Variants in CGNL1 observed in about 807,000 individuals in gnomAD.
CGNL1 encodes cingulin-like protein 1.
A neutral mutation model predicts 141.2 loss-of-function variants in CGNL1; 132 were observed. The observed-to-expected ratio is 0.93, with a 90% CI of 0.81 to 1.08. The LOEUF is 1.08. CGNL1 is among the 50% of genes least tolerant of loss of function. CGNL1 has a pLI of 0.00. For synonymous variants in CGNL1, 690 were observed against 622.1 expected, an observed-to-expected ratio of 1.11 and a Z score of -1.63; for missense variants, 1,870 against 1,588.6, an observed-to-expected ratio of 1.18 and a Z score of -3.01.
At chr15:57,377,981 T>C (rs1292969729) in intron 1 of CGNL1, among the ~76,000 whole-genome samples, 2 of 152,218 alleles carry the variant, frequency 1.3e-5, no homozygotes, top group African/African-American at 4.8e-5. Context: ...GTTTTGTGGT[T>C]GATATTTGTG....
In CGNL1 at chr15:57,528,677, A is replaced by G. The variant is rs760754959; in HGVS notation, c.3063A>G (p.Leu1021=). ...QDEMRLMEEE[L]RDYQRAQDEA... ...AGATGCGTCTGATGGAGGAAGAGTTACGGGACTACCAGAGAGCTCAGGATG... is the reference window on the plus strand; with the variant it reads ...AGATGCGTCTGATGGAGGAAGAGTTGCGGGACTACCAGAGAGCTCAGGATG... The change falls in exon 13 of 19, where the codon TTA becomes TTG. Residue 1021 remains leucine, a synonymous_variant. Coordinates refer to ENST00000281282, the MANE Select transcript of CGNL1 (RefSeq NM_032866.5). 6.2e-7 allele frequency: 1 copy of G among 1,614,136 alleles called. No homozygotes were observed. Among genetic ancestry groups the G allele is most frequent in the African/African-American group, 1.3e-5 (1 of 75,036 alleles).
rs563851558 is a variant in CGNL1 at position 57,508,456 on chromosome 15, T to A, written c.2404-8324T>A. On this transcript the variant is annotated intron_variant, in intron 8 of 18. Transcript: ENST00000281282. ...CCATCACTTTACATTACTAAAATAA[T>A]TTCAACTTTTTAAAGATTTGTATCT... Among the ~76,000 whole-genome samples, 118 of 152,328 alleles carry A rather than the reference T, an allele frequency of 7.7e-4. 5 individuals carry two copies. The South Asian group carries it at 0.024, about 31-fold the overall frequency.
In CGNL1 at chr15:57,442,182, G is replaced by GGAAAAAAAAAAAAAAAAAAAAAAAAAA. The variant is rs1491455852; in HGVS notation, c.1698-191_1698-190insGAAAAAAAAAAAAAAAAAAAAAAAAAA. On this transcript the variant is annotated intron_variant, in intron 3 of 18. Transcript: ENST00000281282. ...TTGAGTGGTAACACATCATTTATTTGAAAAAAAAAAAAAAAAAAAAAGACA... is the reference window on the plus strand; with the variant it reads ...TTGAGTGGTAACACATCATTTATTTGGAAAAAAAAAAAAAAAAAAAAAAAAAAAAAAAAAAAAAAAAAAAAAAAGACA... 1.8e-3 allele frequency among the ~76,000 whole-genome samples: 171 copies of GGAAAAAAAAAAAAAAAAAAAAAAAAAA among 96,476 alleles called. 7 individuals are homozygous for GGAAAAAAAAAAAAAAAAAAAAAAAAAA. The highest frequency in any genetic ancestry group is 5.5e-3 in the Middle Eastern group (1 of 182). The allele number at this position is 96,476 out of a possible 152,430, so 63.3% of individuals were successfully genotyped here.
intron 6 of CGNL1, among the ~76,000 whole-genome samples, 184 bp from the exon 7 acceptor site, chr15:57,453,499 A>C (rs2063344079): frequency 6.6e-6 from 1 of 152,190 alleles, no homozygotes; most frequent in Non-Finnish European, 1.5e-5. Flanking sequence ...CAATTAGACC[A>C]TAGCCTAAGT....
At chr15:57,386,707 C>T (rs1488805445) in intron 1 of CGNL1, among the ~76,000 whole-genome samples, 2 of 152,146 alleles carry the variant, frequency 1.3e-5, no homozygotes, top group African/African-American at 2.4e-5. Context: ...ACAGTGACGA[C>T]GATAACACCC....
At chr15:57,519,062 G>T (rs2031059883) in intron 10 of CGNL1, among the ~76,000 whole-genome samples, 2 of 152,212 alleles carry the variant, frequency 1.3e-5, no homozygotes, top group South Asian at 4.1e-4. Context: ...CTTGAAACTG[G>T]ATAGCTATCG....
chr15:57,380,995 C>T (rs8037276), intron 1 of CGNL1, among the ~76,000 whole-genome samples: 2,662 of 152,316 alleles, frequency 0.017, 50 homozygotes, highest in African/African-American at 0.049. Context: ...GTTGCTGTAG[C>T]TCAGGCTTCC....
chr15:57,485,241 G>A lies in CGNL1; in HGVS notation c.2403+23349G>A, dbSNP rs554528227. Among the ~76,000 whole-genome samples, 15 of 152,116 alleles carry A rather than the reference G, an allele frequency of 9.9e-5. No homozygotes were observed. In the South Asian group the frequency reaches 1.9e-3, roughly 19 times the overall value. ...TGGGTGTTTGCCTGTTGTCTAGTTC[G>A]AGTCCATTTTGGTTAGAAAACCAGT... On this transcript the variant is annotated intron_variant, in intron 8 of 18. Coordinates refer to ENST00000281282, the MANE Select transcript of CGNL1 (RefSeq NM_032866.5).
chr15:57,420,987 T>C (rs1462551413), intron 1 of CGNL1, among the ~76,000 whole-genome samples: 1 of 152,250 alleles, frequency 6.6e-6, no homozygotes, highest in Non-Finnish European at 1.5e-5. Context: ...GTTAAAATCC[T>C]AACTCCCAAG....
At chr15:57,464,176 G>C (rs1448445819) in intron 8 of CGNL1, among the ~76,000 whole-genome samples, 1 of 151,944 alleles carries the variant, frequency 6.6e-6, no homozygotes, top group African/African-American at 2.4e-5. Flanking sequence ...GATGATAGGA[G>C]GGTATGGTGG....
intron 1 of CGNL1, among the ~76,000 whole-genome samples, chr15:57,416,516 G>T (rs1232534059): frequency 6.6e-6 from 1 of 152,114 alleles, no homozygotes; most frequent in Non-Finnish European, 1.5e-5. Flanking sequence ...TGTTAAGATA[G>T]CCTTCTTGGT....
chr15:57,380,504 G>A (rs2062412584), intron 1 of CGNL1, among the ~76,000 whole-genome samples: 2 of 152,162 alleles, frequency 1.3e-5, no homozygotes, highest in South Asian at 2.1e-4. Context: ...GGGGTACTGT[G>A]GGGCACCTGG....
rs1476868817 is a variant in CGNL1 at position 57,528,670 on chromosome 15, A to G, written c.3056A>G (p.Glu1019Gly). 1.2e-6 allele frequency: 2 copies of G among 1,613,956 alleles called. No homozygotes were observed. Among genetic ancestry groups the G allele is most frequent in the East Asian group, 4.5e-5 (2 of 44,894 alleles). ...KMQDEMRLMEEELRDYQRAQD... is the reference protein window; with the variant it reads ...KMQDEMRLMEGELRDYQRAQD... Reference sequence around the variant, plus strand: ...TCCTCCTAGATGCGTCTGATGGAGGAAGAGTTACGGGACTACCAGAGAGCT... The same window carrying G: ...TCCTCCTAGATGCGTCTGATGGAGGGAGAGTTACGGGACTACCAGAGAGCT... The change falls in exon 13 of 19, where the codon GAA becomes GGA. Residue 1019 changes from glutamate (E) to glycine (G), a missense_variant. Transcript: ENST00000281282.
At chr15:57,478,590 G>T (rs944509262) in intron 8 of CGNL1, among the ~76,000 whole-genome samples, 1 of 152,140 alleles carries the variant, frequency 6.6e-6, no homozygotes. Flanking sequence ...AGCTTAAAAG[G>T]TCTCATTAGC....
At position 57,438,492 on chromosome 15, in the gene CGNL1, C is replaced by T; in HGVS notation, c.493C>T (p.Gln165Ter). Residue 165 changes from glutamine (Q) to a stop codon, truncating the protein, a stop_gained, in exon 2 of 19, where the codon CAA (glutamine) becomes TAA (stop). Transcript: ENST00000281282. LOFTEE classifies it high-confidence loss of function. ...CCCTGAAAAGAATGAGTTGAATTTA[C>T]AAAATCACCAGCCTTCTGAGAGTAA... Reference protein sequence around the residue: ...YDPEKNELNLQNHQPSESNWL... With the variant: ...YDPEKNELNL 1 of 1,614,166 alleles carries T rather than the reference C, an allele frequency of 6.2e-7. No individual in the cohort carries two copies.
intron 8 of CGNL1, among the ~76,000 whole-genome samples, chr15:57,495,727 C>T (rs1026922982): frequency 8.5e-5 from 13 of 152,152 alleles, no homozygotes; most frequent in Admixed American, 4.6e-4. Flanking sequence ...TCCACATTGT[C>T]TTGGGAGGTG....
At chr15:57,461,312 C>G (rs1264843572) in intron 7 of CGNL1, among the ~76,000 whole-genome samples, 3 of 152,098 alleles carry the variant, frequency 2.0e-5, no homozygotes, top group Non-Finnish European at 4.4e-5. Flanking sequence ...CTGGCGTGCC[C>G]CCGTGAAGCA....
intron 1 of CGNL1, among the ~76,000 whole-genome samples, chr15:57,384,216 G>A (rs2152218834): frequency 6.6e-6 from 1 of 152,214 alleles, no homozygotes; most frequent in East Asian, 1.9e-4. Flanking sequence ...CAACTTTCTG[G>A]GTGTGAGGCA....
intron 8 of CGNL1, among the ~76,000 whole-genome samples, chr15:57,466,231 A>G (rs2063510000): frequency 6.6e-6 from 1 of 152,150 alleles, no homozygotes; most frequent in Non-Finnish European, 1.5e-5. Flanking sequence ...TGGTCATTTT[A>G]CACTTTTTTT....
Sources: gnomAD v4.1 joint callset for allele counts (sites outside exome capture counted in the v4.1 genomes callset) on GRCh38, gnomAD v4.1.1 for gene constraint, MANE v1.5 for transcripts, NCBI Gene and HGNC (gene_info 2026-07-23, HGNC 2026-07-21) for gene names.